Variants in ADCY5 observed in about 807,000 individuals in gnomAD.
The protein encoded by ADCY5 is adenylate cyclase 5.
ADCY5 carries 30 observed loss-of-function variants against 119.7 expected under a neutral mutation model. The ratio of observed to expected loss-of-function variants is 0.25; its 90% CI spans 0.19 to 0.34. The LOEUF is 0.34. Ranked by LOEUF, ADCY5 falls within the 10% of genes least tolerant of loss-of-function variation. The pLI, the probability that ADCY5 is intolerant of heterozygous loss-of-function variation, is 1.00. For missense variants in ADCY5, 1,324 were observed against 1,775.2 expected (o/e 0.75, Z 4.57); for synonymous variants, 753 against 762.2 (o/e 0.99, Z 0.20).
intron 15 of ADCY5, among the ~76,000 whole-genome samples, chr3:123,298,276 C>T (rs1047837116): frequency 1.3e-5 from 2 of 152,164 alleles, no homozygotes; most frequent in African/African-American, 2.4e-5. Flanking sequence ...CTACAGCACC[C>T]GGCCCACTTT....
In ADCY5 at chr3:123,291,208, C is replaced by A. The variant is rs750807988; in HGVS notation, c.3232G>T (p.Ala1078Ser). The change falls in exon 18 of 21, where the codon GCC becomes TCC. Residue 1078 changes from alanine (A) to serine (S), a missense_variant. Coordinates refer to ENST00000462833, the MANE Select transcript of ADCY5 (RefSeq NM_183357.3). ...TCAACGTAGAACTCGGAGAAGTTGGCGATGGAGGCGAACATGACCGCCACA... is the reference window on the plus strand; with the variant it reads ...TCAACGTAGAACTCGGAGAAGTTGGAGATGGAGGCGAACATGACCGCCACA... ...ECVAVMFASI[A>S]NFSEFYVELE... The A allele has an allele frequency of 1.2e-6, 2 of 1,614,048 alleles. No individual in the cohort carries two copies. The highest frequency in any genetic ancestry group is 1.7e-6 in the Non-Finnish European group (2 of 1,180,030).
intron 1 of ADCY5, among the ~76,000 whole-genome samples, chr3:123,415,335 T>G (rs1450219951): frequency 6.6e-6 from 1 of 152,122 alleles, no homozygotes; most frequent in Non-Finnish European, 1.5e-5. Context: ...AGCTCCACGG[T>G]ACACTAGTAC....
intron 14 of ADCY5, among the ~76,000 whole-genome samples, chr3:123,301,936 G>A (rs1313620697): frequency 6.6e-6 from 1 of 152,174 alleles, no homozygotes; most frequent in African/African-American, 2.4e-5. Flanking sequence ...AGCGGGGGTG[G>A]GGCTGCACCT....
intron 8 of ADCY5, among the ~76,000 whole-genome samples, chr3:123,324,699 G>A (rs191064618): frequency 3.3e-4 from 51 of 152,242 alleles, no homozygotes; most frequent in African/African-American, 1.1e-3. Context: ...CACCTGTCCC[G>A]GTGTGTGTAG....
intron 1 of ADCY5, among the ~76,000 whole-genome samples, chr3:123,406,529 G>A (rs1262114577): frequency 6.6e-6 from 1 of 152,208 alleles, no homozygotes; most frequent in Non-Finnish European, 1.5e-5. Context: ...TTATTGTCTG[G>A]TGCCCCTGAT....
chr3:123,370,593 G>A (rs1230273883), intron 1 of ADCY5, among the ~76,000 whole-genome samples: 1 of 152,212 alleles, frequency 6.6e-6, no homozygotes, highest in Non-Finnish European at 1.5e-5. Flanking sequence ...TAGAAGTGGT[G>A]GAGCAACCCC....
intron 1 of ADCY5, among the ~76,000 whole-genome samples, chr3:123,398,018 T>C (rs901828091): frequency 1.3e-5 from 2 of 152,196 alleles, no homozygotes; most frequent in Non-Finnish European, 2.9e-5. Flanking sequence ...TGCAAGGCAC[T>C]GACAAAGCTG....
At position 123,390,605 on chromosome 3, in the gene ADCY5, G is replaced by A. The variant is rs993399458; in HGVS notation, c.1135-38024C>T. 2.6e-5 allele frequency among the ~76,000 whole-genome samples: 4 copies of A among 152,252 alleles called. No homozygotes were observed. The East Asian group carries it at 7.7e-4, about 29-fold the overall frequency. Reference sequence around the variant, plus strand: ...CAAAGGAAGATAAAAAGTTGCTTTGGGGGATTAAAAGACACCATGGAGTAA... The same window carrying A: ...CAAAGGAAGATAAAAAGTTGCTTTGAGGGATTAAAAGACACCATGGAGTAA... On this transcript the variant is annotated intron_variant, in intron 1 of 20. Transcript: ENST00000462833.
chr3:123,309,425 T>C (rs1226444180), intron 12 of ADCY5, among the ~76,000 whole-genome samples: 1 of 152,348 alleles, frequency 6.6e-6, no homozygotes, highest in African/African-American at 2.4e-5. Flanking sequence ...GCACAGGCAG[T>C]GTCCTGGAGG....
intron 1 of ADCY5, among the ~76,000 whole-genome samples, chr3:123,359,801 C>T (rs184009734): frequency 2.6e-5 from 4 of 152,136 alleles, no homozygotes; most frequent in East Asian, 1.9e-4. Context: ...AGTCCTTTGT[C>T]GGTTTACAAA....
chr3:123,294,053 A>C (rs1333972811), intron 17 of ADCY5, among the ~76,000 whole-genome samples: 1 of 152,210 alleles, frequency 6.6e-6, no homozygotes, highest in East Asian at 1.9e-4. Context: ...ACATGGGCCA[A>C]ACCTAGGACA....
At chr3:123,433,068 C>T (rs1157388929) in intron 1 of ADCY5, among the ~76,000 whole-genome samples, 1 of 152,204 alleles carries the variant, frequency 6.6e-6, no homozygotes, top group African/African-American at 2.4e-5. Flanking sequence ...AGCTCCCTGA[C>T]CTCAGACAGC....
At chr3:123,367,791 T>G (rs1434113593) in intron 1 of ADCY5, 1 of 1,423,426 alleles carries the variant, frequency 7.0e-7, no homozygotes, top group East Asian at 2.5e-5. Context: ...CATGCCCACA[T>G]CTCCTCCCTC....
chr3:123,437,306 CT>C (rs2079172763), intron 1 of ADCY5, among the ~76,000 whole-genome samples: 1 of 152,114 alleles, frequency 6.6e-6, no homozygotes, highest in African/African-American at 2.4e-5. Context: ...CTCCCTGGCA[CT>C]TCTGACCTAC....
At chr3:123,351,319 C>T (rs1942829273) in intron 2 of ADCY5, among the ~76,000 whole-genome samples, 2 of 152,182 alleles carry the variant, frequency 1.3e-5, no homozygotes, top group African/African-American at 4.8e-5. Context: ...AGTACTAAAA[C>T]ATTCTGCACT....
At position 123,447,483 on chromosome 3, in the gene ADCY5, C is replaced by T; in HGVS notation, c.1063G>A (p.Val355Met). ...GCCAGGTGGAGGGCGGACAGGAGCA[C>T]CCCGCTGAGCACTGCGGCCCGCATG... ...VRMRAAVLSGVLLSALHLAIA... is the reference protein window; with the variant it reads ...VRMRAAVLSGMLLSALHLAIA... The change falls in exon 1 of 21, where the codon GTG becomes ATG. Residue 355 changes from valine to methionine, a missense_variant. Transcript: ENST00000462833. 1 of 1,611,490 alleles carries T rather than the reference C, an allele frequency of 6.2e-7. No individual in the cohort carries two copies. Among genetic ancestry groups the T allele is most frequent in the Non-Finnish European group, 8.5e-7 (1 of 1,179,340 alleles).
chr3:123,446,063 C>T (rs1457249202), intron 1 of ADCY5, among the ~76,000 whole-genome samples: 1 of 152,142 alleles, frequency 6.6e-6, no homozygotes, highest in African/African-American at 2.4e-5. Flanking sequence ...CATAAACATT[C>T]CTCTCATTCT....
chr3:123,368,471 C>T (rs1943529239), intron 1 of ADCY5, among the ~76,000 whole-genome samples: 1 of 152,226 alleles, frequency 6.6e-6, no homozygotes, highest in African/African-American at 2.4e-5. Context: ...GCGGTGCGCA[C>T]CTGTAATCCC....
intron 8 of ADCY5, 34 bp downstream of exon 8, chr3:123,325,288 G>A (rs1046692900): frequency 1.9e-6 from 3 of 1,612,668 alleles, no homozygotes; most frequent in East Asian, 4.5e-5. Context: ...GCCTTGGAGA[G>A]TGTTGCCCAC....
Sources: gnomAD v4.1 joint callset for allele counts (sites outside exome capture counted in the v4.1 genomes callset) on GRCh38, gnomAD v4.1.1 for gene constraint, MANE v1.5 for transcripts, NCBI Gene and HGNC (gene_info 2026-07-23, HGNC 2026-07-21) for gene names.